Variants in UQCC1 observed in about 807,000 individuals in gnomAD.
The protein encoded by UQCC1 is ubiquinol-cytochrome c reductase complex assembly factor 1, also known as bFGF-repressed Zic-binding protein.
Under a neutral mutation model 48.0 loss-of-function variants are expected in UQCC1, and 38 were observed. The observed-to-expected ratio is 0.79, with a 90% confidence interval of 0.61 to 1.04. The LOEUF is 1.04. Ranked by LOEUF, UQCC1 falls within the 50% of genes least tolerant of loss-of-function variation. UQCC1 has a pLI of 0.00. For missense variants in UQCC1, 368 were observed against 381.8 expected, an observed-to-expected ratio of 0.96 and a Z score of 0.30; for synonymous variants, 111 against 129.2, an observed-to-expected ratio of 0.86 and a Z score of 0.95.
chr20:35,384,966 CAAAAAAAAAA>C (rs57141083), intron 2 of UQCC1, among the ~76,000 whole-genome samples: 9 of 69,748 alleles, frequency 1.3e-4, no homozygotes, highest in African/African-American at 2.5e-4. Flanking sequence ...GAATCGGTCT[CAAAAAAAAAA>C]AAAAAAAAAA....
intron 1 of UQCC1, among the ~76,000 whole-genome samples, chr20:35,399,987 G>A (rs1478584667): frequency 1.4e-5 from 2 of 144,362 alleles, no homozygotes; most frequent in Non-Finnish European, 1.5e-5. Context: ...GTGCAGTGGC[G>A]CAATCTCGGC....
intron 7 of UQCC1, among the ~76,000 whole-genome samples, chr20:35,329,198 G>A (rs1044590372): frequency 2.0e-5 from 3 of 152,188 alleles, no homozygotes; most frequent in African/African-American, 7.2e-5. Context: ...GGGAGTTTAG[G>A]ATGATTAGTC....
intron 7 of UQCC1, among the ~76,000 whole-genome samples, chr20:35,327,013 C>T (rs923430987): frequency 6.6e-6 from 1 of 152,168 alleles, no homozygotes; most frequent in Non-Finnish European, 1.5e-5. Context: ...GATCACTGAC[C>T]CGAGTCCTTT....
At chr20:35,408,695 GA>G (rs941658213) in intron 1 of UQCC1, among the ~76,000 whole-genome samples, 3 of 145,396 alleles carry the variant, frequency 2.1e-5, no homozygotes, top group South Asian at 2.2e-4. Flanking sequence ...CTACAAAAAA[GA>G]AAAAAAAAAG....
intron 8 of UQCC1, among the ~76,000 whole-genome samples, chr20:35,310,933 C>T (rs1428389581): frequency 6.7e-6 from 1 of 149,496 alleles, no homozygotes; most frequent in African/African-American, 2.5e-5. Flanking sequence ...CTCTTGGCCT[C>T]GTGATCTATC....
chr20:35,389,806 A>T (rs1317894824), intron 2 of UQCC1, among the ~76,000 whole-genome samples: 3 of 152,242 alleles, frequency 2.0e-5, no homozygotes, highest in Non-Finnish European at 4.4e-5. Flanking sequence ...TTATCATATA[A>T]TCCATCAATC....
chr20:35,337,334 G>A (rs529356004), intron 7 of UQCC1, among the ~76,000 whole-genome samples: 1 of 152,100 alleles, frequency 6.6e-6, no homozygotes, highest in African/African-American at 2.4e-5. Flanking sequence ...GACTACAGGT[G>A]CATGCCATCA....
intron 7 of UQCC1, among the ~76,000 whole-genome samples, chr20:35,320,433 G>C (rs1311904132): frequency 6.6e-6 from 1 of 152,212 alleles, no homozygotes; most frequent in African/African-American, 2.4e-5. Context: ...AGAATACAGA[G>C]CAATCCAACT....
intron 8 of UQCC1, among the ~76,000 whole-genome samples, chr20:35,309,727 G>A (rs1337908624): frequency 6.6e-6 from 1 of 152,202 alleles, no homozygotes; most frequent in Non-Finnish European, 1.5e-5. Context: ...CAAGGGGATT[G>A]TTTCAGCTTT....
At chr20:35,405,355 A>T (rs2062236000) in intron 1 of UQCC1, among the ~76,000 whole-genome samples, 1 of 152,214 alleles carries the variant, frequency 6.6e-6, no homozygotes. Flanking sequence ...AAAATACAAC[A>T]GCAAACCCTG....
chr20:35,392,701 G>A (rs2062027682), intron 2 of UQCC1, among the ~76,000 whole-genome samples: 2 of 152,174 alleles, frequency 1.3e-5, no homozygotes, highest in Admixed American at 6.5e-5. Context: ...CTCTGTGCCA[G>A]GCATAGTGAA....
At chr20:35,401,983 A>C (rs555261956) in intron 1 of UQCC1, among the ~76,000 whole-genome samples, 2 of 152,166 alleles carry the variant, frequency 1.3e-5, no homozygotes, top group South Asian at 4.2e-4. Context: ...ATAAGTCACC[A>C]CTGGTGCCTA....
intron 7 of UQCC1, among the ~76,000 whole-genome samples, chr20:35,334,744 G>A (rs894640331): frequency 1.3e-5 from 2 of 152,140 alleles, no homozygotes; most frequent in Non-Finnish European, 2.9e-5. Flanking sequence ...GGATAGATGG[G>A]TAAAACTTTG....
chr20:35,359,771 G>A (rs2061585996), intron 6 of UQCC1, among the ~76,000 whole-genome samples: 2 of 152,210 alleles, frequency 1.3e-5, no homozygotes, highest in Non-Finnish European at 2.9e-5. Context: ...CTGAGGCCAA[G>A]AAAGCAGAGC....
At chr20:35,330,186 G>A (rs1231582042) in intron 7 of UQCC1, among the ~76,000 whole-genome samples, 2 of 152,204 alleles carry the variant, frequency 1.3e-5, no homozygotes, top group African/African-American at 4.8e-5. Context: ...AAAATGCAGG[G>A]TGTGTGTAGT....
At chr20:35,324,816 C>T (rs572321125) in intron 7 of UQCC1, among the ~76,000 whole-genome samples, 1 of 152,118 alleles carries the variant, frequency 6.6e-6, no homozygotes, top group Non-Finnish European at 1.5e-5. Context: ...ACCATATAGC[C>T]CAGCAATCCC....
chr20:35,314,143 TTA>T (rs2061028400), intron 8 of UQCC1, among the ~76,000 whole-genome samples: 1 of 151,678 alleles, frequency 6.6e-6, no homozygotes, highest in Non-Finnish European at 1.5e-5. Flanking sequence ...TTTTGCATTT[TTA>T]GTGACACGGG....
chr20:35,359,326 A>G (rs551717203), intron 6 of UQCC1, among the ~76,000 whole-genome samples: 4 of 152,356 alleles, frequency 2.6e-5, no homozygotes, highest in Non-Finnish European at 5.9e-5. Context: ...AGAAGCTGGA[A>G]TGAAGCCTGA....
At chr20:35,307,945 G>A (rs1316818448) in intron 8 of UQCC1, among the ~76,000 whole-genome samples, 2 of 152,168 alleles carry the variant, frequency 1.3e-5, no homozygotes, top group Admixed American at 1.3e-4. Flanking sequence ...CCATTCCTGA[G>A]CCTCAGTTTT....
Sources: allele counts gnomAD v4.1 joint callset (sites outside exome capture counted in the v4.1 genomes callset), GRCh38; gene constraint gnomAD v4.1.1; transcripts MANE v1.5; gene names NCBI Gene and HGNC (gene_info 2026-07-23, HGNC 2026-07-21).